Variants in CRB1 observed in about 807,000 individuals in gnomAD.
CRB1 encodes the protein protein crumbs homolog 1.
In CRB1, 83 loss-of-function variants were observed where a neutral mutation model predicts 120.0. The observed-to-expected ratio is 0.69, with a 90% CI of 0.58 to 0.83. The LOEUF is 0.83. CRB1 is among the 40% of genes least tolerant of loss of function. CRB1 has a pLI of 0.00. For missense variants in CRB1, 1,699 were observed against 1,687.6 expected, an observed-to-expected ratio of 1.01 and a Z score of -0.12; for synonymous variants, 625 against 612.5, an observed-to-expected ratio of 1.02 and a Z score of -0.30.
chr1:197,371,077 C>T (rs777405416), intron 5 of CRB1, among the ~76,000 whole-genome samples: 2 of 152,154 alleles, frequency 1.3e-5, no homozygotes, highest in Non-Finnish European at 2.9e-5. Context: ...GAACTTTTTC[C>T]GTTGAGCCTA....
chr1:197,301,486 A>C lies in CRB1; in HGVS notation c.71-26936A>C, dbSNP rs190284377. ...CGGCTTCAAGTCTCATTATTTAAGA[A>C]ATACATTTTATAAGGTGAACACTCC... On this transcript the variant is annotated intron_variant, in intron 1 of 11. Coordinates refer to ENST00000367400, the MANE Select transcript of CRB1 (RefSeq NM_201253.3). 7.2e-5 allele frequency among the ~76,000 whole-genome samples: 11 copies of C among 152,190 alleles called. No individual in the cohort carries two copies. In the East Asian group the frequency reaches 1.7e-3, roughly 24 times the overall value.
intron 10 of CRB1, chr1:197,439,563 A>G (rs1375758804): frequency 1.3e-5 from 2 of 152,212 alleles, no homozygotes; most frequent in African/African-American, 4.8e-5. Context: ...TTGATGTGCC[A>G]GCATAACTGT....
intron 1 of CRB1, among the ~76,000 whole-genome samples, chr1:197,286,656 G>C (rs1420981451): frequency 6.6e-6 from 1 of 151,836 alleles, no homozygotes; most frequent in East Asian, 1.9e-4. Flanking sequence ...AGTTTTCTTA[G>C]AGTTAAACTT....
At position 197,421,032 on chromosome 1, in the gene CRB1, T is replaced by C. The variant is rs781359016; in HGVS notation, c.1204T>C (p.Ser402Pro). ...CTGCGAAGAAGACGTCAATGAATGT[T>C]CTTCAAACCCTTGCCAAAATGGTGG... ...IHCEEDVNEC[S>P]SNPCQNGGTC... The change falls in exon 6 of 12, where the codon TCT becomes CCT. Residue 402 changes from serine (S) to proline (P), a missense_variant. Coordinates refer to ENST00000367400, the MANE Select transcript of CRB1 (RefSeq NM_201253.3). 3.3e-5 allele frequency: 53 copies of C among 1,613,548 alleles called. No homozygotes were observed. Among genetic ancestry groups the C allele is most frequent in the Non-Finnish European group, 4.4e-5 (52 of 1,179,536 alleles).
the CRB1 span, among the ~76,000 whole-genome samples, chr1:197,253,051 C>T: frequency 6.6e-6 from 1 of 152,034 alleles, no homozygotes; most frequent in South Asian, 2.1e-4. Context: ...GTACAATTGA[C>T]ACATGAAATT....
chr1:197,268,368 C>T lies in CRB1; in HGVS notation c.-45C>T. 6.9e-7 allele frequency: 1 copy of T among 1,452,032 alleles called. No homozygotes were observed. The allele number at this position is 1,452,032 out of a possible 1,614,324, so 89.9% of individuals were successfully genotyped here. A position where few individuals can be genotyped will look rare whatever the true frequency, so the allele number is the denominator to read the frequency against. ...ACAGGGATCAGGAGCCGGACTGGGA[C>T]CAGACCACCAGCAACACACCAGAGG... On this transcript the variant is annotated 5_prime_UTR_variant, in exon 1 of 12. Transcript: ENST00000367400.
chr1:197,383,786 C>T (rs1203927699), intron 5 of CRB1, among the ~76,000 whole-genome samples: 3 of 152,146 alleles, frequency 2.0e-5, no homozygotes, highest in Non-Finnish European at 4.4e-5. Context: ...TATTAAACTG[C>T]TCTGGTATTT....
At chr1:197,237,474 C>T in the CRB1 span, among the ~76,000 whole-genome samples, 2 of 152,126 alleles carry the variant, frequency 1.3e-5, no homozygotes, top group Non-Finnish European at 2.9e-5. Flanking sequence ...TTCACAAGGG[C>T]CCCACCTCTT....
intron 5 of CRB1, among the ~76,000 whole-genome samples, chr1:197,408,568 A>T (rs573612785): frequency 6.6e-6 from 1 of 152,300 alleles, no homozygotes; most frequent in Admixed American, 6.5e-5. Flanking sequence ...GCAAAAAATG[A>T]CAAACAGCAC....
chr1:197,366,195 C>G (rs1314033432), intron 5 of CRB1, among the ~76,000 whole-genome samples: 1 of 151,916 alleles, frequency 6.6e-6, no homozygotes, highest in African/African-American at 2.4e-5. Flanking sequence ...TTTCCCTTGC[C>G]TTTCTTCCAT....
At chr1:197,362,357 T>C (rs1484179467) in intron 5 of CRB1, among the ~76,000 whole-genome samples, 1 of 152,160 alleles carries the variant, frequency 6.6e-6, no homozygotes, top group Non-Finnish European at 1.5e-5. Flanking sequence ...AGGCGATTTC[T>C]ATATATGTCA....
intron 6 of CRB1, among the ~76,000 whole-genome samples, chr1:197,424,952 C>T (rs1230392141): frequency 2.6e-5 from 4 of 152,158 alleles, no homozygotes; most frequent in Non-Finnish European, 5.9e-5. Flanking sequence ...GCAAATCACA[C>T]ATGCTGATTA....
chr1:197,427,048 G>A (rs2125482505), intron 6 of CRB1, among the ~76,000 whole-genome samples: 1 of 152,280 alleles, frequency 6.6e-6, no homozygotes, highest in African/African-American at 2.4e-5. Flanking sequence ...GCAGAGGGTT[G>A]CATGAAGTGC....
intron 4 of CRB1, among the ~76,000 whole-genome samples, chr1:197,350,453 T>C (rs1229521255): frequency 6.6e-6 from 1 of 152,242 alleles, no homozygotes; most frequent in Non-Finnish European, 1.5e-5. Context: ...GGCGAGAGTT[T>C]GTAATGGAGT....
intron 1 of CRB1, among the ~76,000 whole-genome samples, chr1:197,280,666 A>C (rs1485438893): frequency 6.6e-6 from 1 of 151,918 alleles, no homozygotes. Flanking sequence ...AGATTGTCAC[A>C]AAAATATGTT....
chr1:197,303,016 G>A (rs1359658364), intron 1 of CRB1, among the ~76,000 whole-genome samples: 1 of 152,036 alleles, frequency 6.6e-6, no homozygotes, highest in African/African-American at 2.4e-5. Context: ...CATTTTGTGT[G>A]TCATCAACTT....
At chr1:197,475,100 T>A (rs578165163) in intron 11 of CRB1, among the ~76,000 whole-genome samples, 1 of 152,340 alleles carries the variant, frequency 6.6e-6, no homozygotes, top group South Asian at 2.1e-4. Flanking sequence ...AAATTCTATA[T>A]GCTTTACTTC....
chr1:197,374,600 CA>C (rs1197253272), intron 5 of CRB1, among the ~76,000 whole-genome samples: 3 of 152,114 alleles, frequency 2.0e-5, no homozygotes, highest in Non-Finnish European at 4.4e-5. Flanking sequence ...GGGGAGGAAT[CA>C]GGGGTCATAG....
At position 197,304,326 on chromosome 1, in the gene CRB1, A is replaced by G. The variant is rs1490749867; in HGVS notation, c.71-24096A>G. On this transcript the variant is annotated intron_variant, in intron 1 of 11. Coordinates refer to ENST00000367400, the MANE Select transcript of CRB1 (RefSeq NM_201253.3). ...TTCTAATGGTTACATTTTAAAATAT[A>G]TTGATTTTGATTTTGAATAACATTA... 7 of 764,302 alleles carry G rather than the reference A, an allele frequency of 9.2e-6. No homozygotes were observed. In the African/African-American group the frequency reaches 9.4e-5, roughly 10 times the overall value. The allele number at this position is 764,302 out of a possible 1,614,324, so 47.3% of individuals were successfully genotyped here.
Sources: allele counts gnomAD v4.1 joint callset (sites outside exome capture counted in the v4.1 genomes callset), GRCh38; gene constraint gnomAD v4.1.1; transcripts MANE v1.5; gene names NCBI Gene and HGNC (gene_info 2026-07-23, HGNC 2026-07-21).